The following FOXN1 variants were observed in gnomAD, a reference collection of about 807,000 sequenced individuals.
FOXN1 encodes the protein forkhead box protein N1.
A neutral mutation model predicts 49.0 loss-of-function variants in FOXN1; 15 were observed. That is an observed-to-expected ratio of 0.31 (90% CI 0.20 to 0.47). The LOEUF (loss-of-function observed/expected upper bound fraction) is 0.47, where lower values mean the gene tolerates loss of function less well. Ranked by LOEUF, FOXN1 falls within the 20% of genes least tolerant of loss-of-function variation. FOXN1 has a pLI of 1.00. For missense variants in FOXN1, 800 were observed against 842.8 expected (o/e 0.95, Z 0.63); for synonymous variants, 356 against 369.0 (o/e 0.96, Z 0.40).
intron 3 of FOXN1, among the ~76,000 whole-genome samples, chr17:28,526,471 C>T (rs760058384): frequency 4.6e-5 from 7 of 152,232 alleles, no homozygotes; most frequent in Non-Finnish European, 7.3e-5. Flanking sequence ...GCACACCCTC[C>T]TGTCCGTACT....
intron 1 of FOXN1, among the ~76,000 whole-genome samples, chr17:28,512,532 A>T (rs2069414580): frequency 6.6e-6 from 1 of 152,230 alleles, no homozygotes; most frequent in South Asian, 2.1e-4. Flanking sequence ...TTAGTCTCAT[A>T]TACTCCAGAG....
At chr17:28,518,514 AT>A (rs1321916737) in intron 1 of FOXN1, among the ~76,000 whole-genome samples, 1 of 152,224 alleles carries the variant, frequency 6.6e-6, no homozygotes, top group Non-Finnish European at 1.5e-5. Flanking sequence ...GAATGCAGTA[AT>A]GATGACTGTT....
rs751862988 is a variant in FOXN1 at position 28,527,218 on chromosome 17, C to T, written c.589-33C>T. ...GGAAAGAGGAAGGGAGAAAATAAGG[C>T]CTAATCTAGTCATCTGCTTTCTCTT... On this transcript the variant is annotated intron_variant, in intron 3 of 8. Coordinates refer to ENST00000579795, the MANE Select transcript of FOXN1 (RefSeq NM_001369369.1). The T allele has an allele frequency of 5.0e-6, 7 of 1,398,842 alleles. No individual in the cohort carries two copies. In the Admixed American group the frequency reaches 5.0e-5, roughly 10 times the overall value. 86.7% of individuals were successfully genotyped at this position (1,398,842 alleles called of 1,614,324 possible).
rs1462376989 is a variant in FOXN1, at chr17:28,535,028, G to T, written c.1457G>T (p.Gly486Val). The T allele has an allele frequency of 5.6e-6, 9 of 1,613,536 alleles. No individual in the cohort carries two copies. The South Asian group carries it at 9.9e-5, about 18-fold the overall frequency. ...DGHLELRAQP[G>V]TPQDSPLPAH... ...CACCTTGAGCTGCGGGCCCAGCCAG[G>T]CACCCCCCAGGACTCGCCTCTGCCT... Residue 486 changes from glycine to valine, a missense_variant, in exon 8 of 9, where the codon GGC (glycine) becomes GTC (valine). By Grantham distance (109) the Gly-to-Val change is moderately radical. Transcript: ENST00000579795.
At chr17:28,533,931 C>A (rs946508507) in intron 6 of FOXN1, among the ~76,000 whole-genome samples, 1 of 152,106 alleles carries the variant, frequency 6.6e-6, no homozygotes, top group Non-Finnish European at 1.5e-5. Context: ...AGTAATGAGT[C>A]CCCCTTCCAC....
Position 28,514,471 on chromosome 17 carries a change from C to T in FOXN1, c.-15+8028C>T, listed in dbSNP as rs116842999. On this transcript the variant is annotated intron_variant, in intron 1 of 8. Transcript: ENST00000579795. ...TTGATGGGGAGAAAGGAGCTAGAAA[C>T]CCCCTCTTTCTTGGCATTCCCAGAC... 7.7e-3 allele frequency among the ~76,000 whole-genome samples: 1,177 copies of T among 152,234 alleles called. 9 individuals carry two copies. The highest frequency in any genetic ancestry group is 0.012 in the Admixed American group (183 of 15,296).
intron 6 of FOXN1, among the ~76,000 whole-genome samples, chr17:28,531,336 C>T (rs1270377252): frequency 6.6e-6 from 1 of 152,164 alleles, no homozygotes; most frequent in African/African-American, 2.4e-5. Context: ...GCAGTTCTGC[C>T]AGAAAGCGGG....
intron 1 of FOXN1, among the ~76,000 whole-genome samples, chr17:28,518,901 C>T (rs2069584140): frequency 1.3e-5 from 2 of 152,184 alleles, no homozygotes; most frequent in South Asian, 4.1e-4. Context: ...GATGACCTTG[C>T]TCCCCTGACA....
chr17:28,516,230 C>A (rs966474194), intron 1 of FOXN1, among the ~76,000 whole-genome samples: 2 of 151,514 alleles, frequency 1.3e-5, no homozygotes, highest in African/African-American at 2.4e-5. Context: ...CCAAAGGGTA[C>A]ACATCTCCAG....
At chr17:28,520,397 C>T (rs2069615990) in intron 1 of FOXN1, among the ~76,000 whole-genome samples, 1 of 152,188 alleles carries the variant, frequency 6.6e-6, no homozygotes, top group Non-Finnish European at 1.5e-5. Flanking sequence ...CTGGGTCTCA[C>T]TTGTAGAATA....
intron 1 of FOXN1, among the ~76,000 whole-genome samples, chr17:28,512,793 G>T (rs1343812206): frequency 6.6e-6 from 1 of 152,210 alleles, no homozygotes; most frequent in Non-Finnish European, 1.5e-5. Flanking sequence ...AGAGTAGCCA[G>T]GGAGGCAGGA....
intron 1 of FOXN1, among the ~76,000 whole-genome samples, chr17:28,515,587 A>G (rs1393291806): frequency 2.0e-5 from 3 of 150,806 alleles, no homozygotes; most frequent in East Asian, 2.0e-4. Context: ...ACAGATGAAC[A>G]TACCTCCACA....
At chr17:28,537,078 T>C in intron 8 of FOXN1, 39 bp from the exon 9 acceptor site, 1 of 1,529,274 alleles carries the variant, frequency 6.5e-7, no homozygotes, top group South Asian at 1.1e-5. Flanking sequence ...GCTCCTCCGG[T>C]GCCTCCCAGT....
At chr17:28,516,277 G>A (rs932560554) in intron 1 of FOXN1, among the ~76,000 whole-genome samples, 1 of 149,428 alleles carries the variant, frequency 6.7e-6, no homozygotes, top group Non-Finnish European at 1.5e-5. Context: ...ACCTCCACAG[G>A]GTACACACCT....
intron 3 of FOXN1, among the ~76,000 whole-genome samples, chr17:28,526,881 C>T (rs1237960205): frequency 3.9e-5 from 6 of 152,288 alleles, no homozygotes; most frequent in East Asian, 1.9e-4. Context: ...TGCACACCTA[C>T]TCAGAGGGTC....
intron 3 of FOXN1, among the ~76,000 whole-genome samples, 159 bp downstream of exon 3, chr17:28,525,126 G>T (rs1464392838): frequency 6.6e-6 from 1 of 152,116 alleles, no homozygotes; most frequent in African/African-American, 2.4e-5. Context: ...CTGGGGAGGG[G>T]TGTTGGCCTG....
chr17:28,534,831 C>A lies in FOXN1; in HGVS notation c.1260C>A (p.Ser420=). 1 of 1,613,944 alleles carries A rather than the reference C, an allele frequency of 6.2e-7. No homozygotes were observed. Among genetic ancestry groups the A allele is most frequent in the Non-Finnish European group, 8.5e-7 (1 of 1,179,832 alleles). The change falls in exon 8 of 9, where the codon TCC becomes TCA. Residue 420 remains serine (S), a synonymous_variant. Coordinates refer to ENST00000579795, the MANE Select transcript of FOXN1 (RefSeq NM_001369369.1). The surrounding 1 kb of genome is among the most constrained non-coding windows in gnomAD (Gnocchi z 4.1). ...IRPLAPPAGL[S]PPLHSLHPAP... ...CCCTGGCACCCCCAGCTGGCCTCTC[C>A]CCACCACTGCACTCACTCCACCCAG...
Position 28,538,278 on chromosome 17 carries a change from G to A in FOXN1, c.*842G>A, listed in dbSNP as rs2070120236. On this transcript the variant is annotated 3_prime_UTR_variant, in exon 9 of 9. Transcript: ENST00000579795. ...CGGGTGCAGGAAGGGCCCCCTCCAGGTCACCACAATCTCACTCCTCCTCCA... is the reference window on the plus strand; with the variant it reads ...CGGGTGCAGGAAGGGCCCCCTCCAGATCACCACAATCTCACTCCTCCTCCA... The A allele has an allele frequency of 6.6e-6, 1 of 152,078 alleles. No individual in the cohort carries two copies. The highest frequency in any genetic ancestry group is 1.5e-5 in the Non-Finnish European group (1 of 68,028). 9.4% of individuals were successfully genotyped at this position (152,078 alleles called of 1,614,324 possible).
Position 28,537,756 on chromosome 17 carries a change from T to G in FOXN1, c.*320T>G. 1 of 472,816 alleles carries G rather than the reference T, an allele frequency of 2.1e-6. No homozygotes were observed. The highest frequency in any genetic ancestry group is 3.9e-6 in the Non-Finnish European group (1 of 255,064). 29.3% of individuals were successfully genotyped at this position (472,816 alleles called of 1,614,324 possible). On this transcript the variant is annotated 3_prime_UTR_variant, in exon 9 of 9. Coordinates refer to ENST00000579795, the MANE Select transcript of FOXN1 (RefSeq NM_001369369.1). The stretch of plus-strand genomic sequence containing the variant: ...GCCCTCGTGCACACACACAAATTAT[T>G]CAGATGTACACCCACCCACATATCT...
Sources: allele counts gnomAD v4.1 joint callset (sites outside exome capture counted in the v4.1 genomes callset), GRCh38; gene constraint gnomAD v4.1.1; non-coding constraint Gnocchi (gnomAD v3.1); transcripts MANE v1.5; gene names NCBI Gene and HGNC (gene_info 2026-07-23, HGNC 2026-07-21).